The following CHN1 variants were observed in gnomAD, a reference collection of about 807,000 sequenced individuals.
CHN1 encodes chimerin 1, also known as N-chimaerin.
A neutral mutation model predicts 59.5 loss-of-function variants in CHN1; 37 were observed. That is an observed-to-expected ratio of 0.62 (90% CI 0.48 to 0.82). CHN1 has a LOEUF of 0.82. Ranked by LOEUF, CHN1 falls within the 40% of genes least tolerant of loss-of-function variation. The probability of loss-of-function intolerance (pLI) is 0.00; values close to 1 mark genes in which losing one functional copy is unlikely to be tolerated. For synonymous variants in CHN1, 206 were observed against 200.4 expected (o/e 1.03, Z -0.24); for missense variants, 469 against 571.0 (o/e 0.82, Z 1.82).
At chr2:174,917,621 T>G (rs2105372863) in intron 4 of CHN1, among the ~76,000 whole-genome samples, 1 of 152,190 alleles carries the variant, frequency 6.6e-6, no homozygotes, top group South Asian at 2.1e-4. Flanking sequence ...AATAGTATGG[T>G]TTAAAAGCAA....
chr2:174,970,941 G>C (rs1690739715), intron 1 of CHN1, among the ~76,000 whole-genome samples: 1 of 152,156 alleles, frequency 6.6e-6, no homozygotes, highest in Non-Finnish European at 1.5e-5. Flanking sequence ...ACTGCAAATA[G>C]AGAATCTAGC....
chr2:174,851,180 G>A (rs974155798), intron 6 of CHN1, among the ~76,000 whole-genome samples: 3 of 152,154 alleles, frequency 2.0e-5, no homozygotes, highest in African/African-American at 7.2e-5. Context: ...GCCTAAACTG[G>A]TTGGGCACAT....
At chr2:174,966,931 A>G (rs3771916) in intron 1 of CHN1, among the ~76,000 whole-genome samples, 48,458 of 152,060 alleles carry the variant, frequency 0.32, 8,989 homozygotes, top group Admixed American at 0.45. Context: ...TGTTGGGTAC[A>G]TTTCAAAAAC....
chr2:174,828,421 T>C (rs764281854), intron 7 of CHN1, among the ~76,000 whole-genome samples: 2 of 152,228 alleles, frequency 1.3e-5, no homozygotes, highest in Admixed American at 6.5e-5. Context: ...CAGTTTTACA[T>C]TATCGGTGAT....
intron 6 of CHN1, among the ~76,000 whole-genome samples, chr2:174,859,912 T>C (rs1477457244): frequency 6.6e-6 from 1 of 152,108 alleles, no homozygotes; most frequent in Non-Finnish European, 1.5e-5. Flanking sequence ...GTTTACAACA[T>C]ACAGAGAAGT....
intron 3 of CHN1, among the ~76,000 whole-genome samples, chr2:174,944,500 T>A (rs896943687): frequency 4.6e-5 from 7 of 152,204 alleles, no homozygotes; most frequent in East Asian, 1.9e-4. Flanking sequence ...ACTATCCACA[T>A]CTTTTGTTCA....
At chr2:174,910,034 AGT>A (rs1282164495) in intron 5 of CHN1, among the ~76,000 whole-genome samples, 2 of 152,248 alleles carry the variant, frequency 1.3e-5, no homozygotes, top group Non-Finnish European at 2.9e-5. Context: ...AAGTTCTAAC[AGT>A]GAGAATGGGT....
intron 1 of CHN1, among the ~76,000 whole-genome samples, chr2:174,957,499 AT>A (rs1028541626): frequency 5.9e-5 from 9 of 151,332 alleles, no homozygotes; most frequent in African/African-American, 2.2e-4. Flanking sequence ...GTAAACCATA[AT>A]TAACTCAATT....
At chr2:174,832,008 G>A (rs1021375732) in intron 7 of CHN1, among the ~76,000 whole-genome samples, 3 of 151,990 alleles carry the variant, frequency 2.0e-5, no homozygotes, top group Non-Finnish European at 2.9e-5. Flanking sequence ...ACTGACATAC[G>A]GAAAACCCTC....
intron 6 of CHN1, among the ~76,000 whole-genome samples, chr2:174,849,032 A>T (rs1363973667): frequency 6.6e-6 from 1 of 152,158 alleles, no homozygotes; most frequent in Non-Finnish European, 1.5e-5. Context: ...TAGGAACCAG[A>T]AAAAAACAGC....
At position 174,915,796 on chromosome 2, in the gene CHN1, C is replaced by T. The variant is rs543841825; in HGVS notation, c.147-625G>A. Among the ~76,000 whole-genome samples the T allele has an allele frequency of 2.6e-5, 4 of 152,188 alleles. No homozygotes were observed. In the South Asian group the frequency reaches 8.3e-4, roughly 32 times the overall value. On this transcript the variant is annotated intron_variant, in intron 4 of 12. Transcript: ENST00000409900. The stretch of plus-strand genomic sequence containing the variant: ...ACAAATAACATGCTCTTTACACAAA[C>T]ACAGATGAACCTATAACAATCTGGC...
At chr2:174,806,502 G>C (rs1415410689) in intron 11 of CHN1, among the ~76,000 whole-genome samples, 1 of 152,134 alleles carries the variant, frequency 6.6e-6, no homozygotes, top group African/African-American at 2.4e-5. Flanking sequence ...GTTTGAAAGG[G>C]GTTCTTCCTT....
Position 174,978,909 on chromosome 2 carries a change from A to G in CHN1, c.19+25985T>C, listed in dbSNP as rs548876069. On this transcript the variant is annotated intron_variant, in intron 1 of 12. Transcript: ENST00000409900. ...ACTGAAGAGAAAACAAATCTAGATC[A>G]CCATCAATCAGATAAAATCTCATCC... Among the ~76,000 whole-genome samples, 9 of 152,330 alleles carry G rather than the reference A, an allele frequency of 5.9e-5. No individual in the cohort carries two copies. In the South Asian group the frequency reaches 1.9e-3, roughly 32 times the overall value.
At chr2:174,806,240 C>G (rs1684881954) in intron 11 of CHN1, among the ~76,000 whole-genome samples, 1 of 152,164 alleles carries the variant, frequency 6.6e-6, no homozygotes, top group African/African-American at 2.4e-5. Context: ...ATGACCTGGC[C>G]TTCTCCACCC....
At chr2:174,912,618 A>C (rs770136853) in intron 5 of CHN1, among the ~76,000 whole-genome samples, 16 of 152,238 alleles carry the variant, frequency 1.1e-4, no homozygotes, top group Non-Finnish European at 1.8e-4. Flanking sequence ...GATTACGTGT[A>C]TGTTAAAAAC....
At chr2:174,808,285 TTTTG>T (rs1684965582) in intron 11 of CHN1, among the ~76,000 whole-genome samples, 1 of 152,168 alleles carries the variant, frequency 6.6e-6, no homozygotes, top group African/African-American at 2.4e-5. Flanking sequence ...TTTTGTTTGT[TTTTG>T]TTTTATTTCT....
chr2:174,833,926 G>T (rs937651524), intron 7 of CHN1, among the ~76,000 whole-genome samples: 2 of 151,876 alleles, frequency 1.3e-5, no homozygotes, highest in South Asian at 4.2e-4. Context: ...TACGCAGTGG[G>T]AACCACAGGC....
At chr2:174,868,115 G>A (rs571594274) in intron 6 of CHN1, among the ~76,000 whole-genome samples, 70 of 152,128 alleles carry the variant, frequency 4.6e-4, no homozygotes, top group African/African-American at 1.7e-3. Flanking sequence ...TTTTTATGAA[G>A]AGCTTGTATT....
At chr2:174,821,714 G>C (rs1685503441) in intron 8 of CHN1, 1 of 462,706 alleles carries the variant, frequency 2.2e-6, no homozygotes, top group African/African-American at 2.0e-5. Flanking sequence ...CTTGGAAGCA[G>C]AGTTGGACCC....
Sources: gnomAD v4.1 joint callset for allele counts (sites outside exome capture counted in the v4.1 genomes callset) on GRCh38, gnomAD v4.1.1 for gene constraint, MANE v1.5 for transcripts, NCBI Gene and HGNC (gene_info 2026-07-23, HGNC 2026-07-21) for gene names.